ZNF451: variants seen among roughly 807,000 people sequenced by gnomAD.
ZNF451 encodes the protein E3 SUMO-protein ligase ZNF451.
A neutral mutation model predicts 107.1 loss-of-function variants in ZNF451; 80 were observed. The observed-to-expected ratio is 0.75, with a 90% CI of 0.62 to 0.90. The LOEUF is 0.90. Among genes scored for constraint, ZNF451 ranks in the 40% least tolerant of loss-of-function variants. The probability of loss-of-function intolerance (pLI) is 0.00; values close to 1 mark genes in which losing one functional copy is unlikely to be tolerated. For synonymous variants in ZNF451, 362 were observed against 406.5 expected (o/e 0.89, Z 1.32); for missense variants, 1,107 against 1,236.2 (o/e 0.90, Z 1.57).
chr6:57,093,087 C>T (rs1829127650), intron 2 of ZNF451: 1 of 152,094 alleles, frequency 6.6e-6, no homozygotes, highest in Non-Finnish European at 1.5e-5. Flanking sequence ...TAATATGATC[C>T]TTTATTCAAC....
rs552737479 is a variant in ZNF451 at position 57,165,642 on chromosome 6, A to G, written c.3140-2781A>G. 4 of 152,220 alleles carry G rather than the reference A, an allele frequency of 2.6e-5. No homozygotes were observed. In the South Asian group the frequency reaches 6.2e-4, roughly 24 times the overall value. The allele number at this position is 152,220 out of a possible 1,614,324, so 9.4% of individuals were successfully genotyped here. A position where few individuals can be genotyped will look rare whatever the true frequency, so the allele number is the denominator to read the frequency against. ...GGGCTTTTAATAATTCTGCCTCATTATTGGTACTCTTAATTTTGTTCATAC... is the reference window on the plus strand; with the variant it reads ...GGGCTTTTAATAATTCTGCCTCATTGTTGGTACTCTTAATTTTGTTCATAC... On this transcript the variant is annotated intron_variant, in intron 14 of 14. Transcript: ENST00000370706.
At chr6:57,126,750 G>T (rs997229518) in intron 4 of ZNF451, among the ~76,000 whole-genome samples, 1 of 152,062 alleles carries the variant, frequency 6.6e-6, no homozygotes, top group Non-Finnish European at 1.5e-5. Flanking sequence ...GTGAAACCCC[G>T]TCTGTACTAA....
intron 4 of ZNF451, among the ~76,000 whole-genome samples, chr6:57,127,265 C>A (rs1487582627): frequency 6.6e-6 from 1 of 152,090 alleles, no homozygotes; most frequent in African/African-American, 2.4e-5. Context: ...CACTTTAGGG[C>A]TTTAGTAGTC....
At chr6:57,100,772 A>G in intron 3 of ZNF451, 5 of 1,549,866 alleles carry the variant, frequency 3.2e-6, no homozygotes, top group Non-Finnish European at 3.5e-6. Flanking sequence ...CCATTGGAGA[A>G]CCAGAAAAAT....
At chr6:57,103,380 A>G (rs1477381925) in intron 3 of ZNF451, 22 of 985,266 alleles carry the variant, frequency 2.2e-5, no homozygotes, top group Non-Finnish European at 2.7e-5. Flanking sequence ...TGGTTACTTA[A>G]TTTAGTCAGA....
At chr6:57,167,265 CTACCTTTGT>C (rs1037367875) in intron 14 of ZNF451, among the ~76,000 whole-genome samples, 4 of 152,096 alleles carry the variant, frequency 2.6e-5, no homozygotes, top group African/African-American at 9.7e-5. Context: ...TTCTGCAGTG[CTACCTTTGT>C]TATAAATCCA....
At chr6:57,161,878 CT>C (rs1329436984) in intron 14 of ZNF451, among the ~76,000 whole-genome samples, 1 of 152,070 alleles carries the variant, frequency 6.6e-6, no homozygotes, top group Non-Finnish European at 1.5e-5. Context: ...TTAAAATTCT[CT>C]TTTACTCTTC....
intron 2 of ZNF451, among the ~76,000 whole-genome samples, chr6:57,095,351 AAG>A (rs1191186455): frequency 1.4e-5 from 2 of 141,458 alleles, no homozygotes; most frequent in Non-Finnish European, 3.1e-5. Context: ...TTTTTTTTTA[AAG>A]AGATAGGGTC....
At chr6:57,158,651 A>G (rs1442544371) in intron 13 of ZNF451, 2 of 985,456 alleles carry the variant, frequency 2.0e-6, no homozygotes, top group Non-Finnish European at 2.4e-6. Flanking sequence ...CTTAATCGAT[A>G]TAAATGTTCC....
At chr6:57,104,644 T>G in intron 3 of ZNF451, 1 of 985,194 alleles carries the variant, frequency 1.0e-6, no homozygotes, top group South Asian at 4.7e-5. Context: ...CTGAGCACCT[T>G]AACCATTTTT....
At chr6:57,105,957 T>C (rs1261973851) in intron 3 of ZNF451, 6 of 984,950 alleles carry the variant, frequency 6.1e-6, no homozygotes, top group African/African-American at 1.7e-5. Flanking sequence ...TACTTAGCCC[T>C]CAAAATGACA....
At position 57,133,178 on chromosome 6, in the gene ZNF451, A is replaced by C; in HGVS notation, c.561A>C (p.Leu187Phe). ...NKEFDNGHLL[L>F]GHLKRFDHSP... ...AGTTTGACAATGGGCACCTTCTCTT[A>C]GGACATTTGAAAAGGTAAGTAGGAT... is the stretch of plus-strand genomic sequence containing the variant. Residue 187 changes from leucine (L) to phenylalanine (F), a missense_variant, in exon 6 of 15, where the codon TTA becomes TTC. Transcript: ENST00000370706. The C allele has an allele frequency of 6.2e-7, 1 of 1,613,984 alleles. No homozygotes were observed. Among genetic ancestry groups the C allele is most frequent in the Non-Finnish European group, 8.5e-7 (1 of 1,179,904 alleles).
At chr6:57,111,212 T>C (rs1474662301) in intron 3 of ZNF451, among the ~76,000 whole-genome samples, 1 of 151,294 alleles carries the variant, frequency 6.6e-6, no homozygotes, top group Non-Finnish European at 1.5e-5. Context: ...TGAGCCACCG[T>C]ACCAGGCCCC....
At chr6:57,122,030 C>T (rs968257236) in intron 3 of ZNF451, among the ~76,000 whole-genome samples, 6 of 151,938 alleles carry the variant, frequency 3.9e-5, no homozygotes, top group African/African-American at 9.7e-5. Context: ...AAAATAGACA[C>T]GCAGACCAAT....
intron 3 of ZNF451, chr6:57,104,818 G>A (rs573493581): frequency 2.0e-6 from 2 of 985,352 alleles, no homozygotes; most frequent in East Asian, 1.1e-4. Context: ...ATATGCCCAA[G>A]TGTCTCCAGA....
Position 57,128,753 on chromosome 6 carries a change from C to G in ZNF451, c.337C>G (p.His113Asp). Residue 113 changes from histidine to aspartate, a missense_variant, in exon 5 of 15, where the codon CAT becomes GAT. By Grantham distance (81) the His-to-Asp change is moderately conservative. Coordinates refer to ENST00000370706, the MANE Select transcript of ZNF451 (RefSeq NM_001031623.3). ...FREKIDFQHA[H>D]GLQELEFIRG... ...GGAAAAAATTGATTTTCAGCATGCT[C>G]ATGGGTTACAAGAATTGGAATTTAT... The G allele has an allele frequency of 1.9e-6, 3 of 1,612,042 alleles. No individual in the cohort carries two copies. The highest frequency in any genetic ancestry group is 2.5e-6 in the Non-Finnish European group (3 of 1,178,958).
intron 3 of ZNF451, chr6:57,108,241 T>G: frequency 1.0e-6 from 1 of 985,434 alleles, no homozygotes; most frequent in Non-Finnish European, 1.2e-6. Flanking sequence ...ATATGCTATC[T>G]TTGCTCCATG....
At chr6:57,099,028 T>A (rs770200465) in intron 2 of ZNF451, 33 bp from the exon 3 acceptor site, 1 of 1,572,642 alleles carries the variant, frequency 6.4e-7, no homozygotes, top group Non-Finnish European at 8.8e-7. Context: ...GAATAACTGT[T>A]AATGACTTCT....
chr6:57,126,670 C>G (rs1274425331), intron 4 of ZNF451: 1 of 152,080 alleles, frequency 6.6e-6, no homozygotes, highest in East Asian at 1.9e-4. Flanking sequence ...CCTGTAATCC[C>G]AGCACTTTGG....
Sources: allele counts gnomAD v4.1 joint callset (sites outside exome capture counted in the v4.1 genomes callset), GRCh38; gene constraint gnomAD v4.1.1; transcripts MANE v1.5; gene names NCBI Gene and HGNC (gene_info 2026-07-23, HGNC 2026-07-21).